The following CFAP97D2 variants were observed in gnomAD, a reference collection of about 807,000 sequenced individuals.
CFAP97D2 encodes the protein CFAP97 domain containing 2.
chr13:114,190,371 C>T (rs2080865084), intron 1 of CFAP97D2, among the ~76,000 whole-genome samples: 1 of 151,708 alleles, frequency 6.6e-6, no homozygotes, highest in African/African-American at 2.4e-5. Context: ...TCTTTGATGG[C>T]AGATGACATG....
chr13:114,220,390 G>A (rs2081016013), intron 4 of CFAP97D2, among the ~76,000 whole-genome samples: 1 of 152,154 alleles, frequency 6.6e-6, no homozygotes, highest in South Asian at 2.1e-4. Flanking sequence ...AGCTTCACCT[G>A]ACGGAGGCTG....
chr13:114,192,656 T>A (rs2080873880), intron 1 of CFAP97D2, among the ~76,000 whole-genome samples: 1 of 152,050 alleles, frequency 6.6e-6, no homozygotes, highest in Non-Finnish European at 1.5e-5. Flanking sequence ...GACAAATACT[T>A]CACCAAAAAA....
intron 4 of CFAP97D2, among the ~76,000 whole-genome samples, chr13:114,219,110 A>G (rs2081008512): frequency 6.6e-6 from 1 of 152,204 alleles, no homozygotes. Flanking sequence ...ATGGGAGAAA[A>G]TTTTTGCAAT....
chr13:114,190,576 A>G (rs2080865902), intron 1 of CFAP97D2, among the ~76,000 whole-genome samples: 1 of 152,240 alleles, frequency 6.6e-6, no homozygotes, highest in African/African-American at 2.4e-5. Context: ...TTAGGTATAA[A>G]TTGAACAAAA....
rs563662089 is a variant in CFAP97D2 at position 114,203,384 on chromosome 13, T to C, written c.290+2941T>C. ...AGTACAAAATTTATACTCCAAAAAC[T>C]ACAAACCGTCATCCACAAAAATTGA... On this transcript the variant is annotated intron_variant, in intron 3 of 4. Transcript: ENST00000646158. This position sits in a 1 kb window ranked among gnomAD's most constrained non-coding sequence, Gnocchi z 4.3. 2.6e-5 allele frequency among the ~76,000 whole-genome samples: 4 copies of C among 152,290 alleles called. No individual in the cohort carries two copies. The East Asian group carries it at 7.7e-4, about 29-fold the overall frequency.
chr13:114,184,847 GT>G (rs1478174805), intron 1 of CFAP97D2, among the ~76,000 whole-genome samples: 2 of 152,206 alleles, frequency 1.3e-5, no homozygotes, highest in Non-Finnish European at 2.9e-5. Context: ...ATTATTCTTA[GT>G]TGATCTAACA....
chr13:114,182,089 TA>T (rs1308981203), intron 1 of CFAP97D2, among the ~76,000 whole-genome samples: 1 of 151,798 alleles, frequency 6.6e-6, no homozygotes, highest in African/African-American at 2.4e-5. Flanking sequence ...CCTCAGTTTT[TA>T]TTGATTATTA....
chr13:114,182,586 T>C (rs1010562031), intron 1 of CFAP97D2, among the ~76,000 whole-genome samples: 130 of 152,210 alleles, frequency 8.5e-4, no homozygotes, highest in African/African-American at 2.9e-3. Context: ...TACCCCGCTT[T>C]CAAGGGCAGA....
rs1315873543 is a variant in CFAP97D2 at position 114,179,619 on chromosome 13, T to C, written c.90+199T>C. Among the ~76,000 whole-genome samples the C allele has an allele frequency of 1.3e-5, 2 of 152,098 alleles. No homozygotes were observed. The highest frequency in any genetic ancestry group is 2.9e-5 in the Non-Finnish European group (2 of 68,014). On this transcript the variant is annotated intron_variant, in intron 1 of 4. Transcript: ENST00000646158. The surrounding 1 kb of genome is among the most constrained non-coding windows in gnomAD (Gnocchi z 4.8). ...TCTCATTAAATAGTTGACGGCTTTC[T>C]TTCTTTCTTTTTTTTTTTTGAGATG... is the stretch of plus-strand genomic sequence containing the variant.
intron 4 of CFAP97D2, among the ~76,000 whole-genome samples, chr13:114,213,767 C>T (rs145260890): frequency 0.041 from 5,815 of 140,946 alleles, 249 homozygotes; most frequent in African/African-American, 0.087. Context: ...GTGGAAGCTC[C>T]AGGACCACAG....
chr13:114,206,104 C>CT lies in CFAP97D2; in HGVS notation c.290+5678dup, dbSNP rs57411812. Among the ~76,000 whole-genome samples, 603 of 137,996 alleles carry CT rather than the reference C, an allele frequency of 4.4e-3. 3 individuals carry two copies. The highest frequency in any genetic ancestry group is 0.011 in the Middle Eastern group (3 of 270). The allele number at this position is 137,996 out of a possible 152,430, so 90.5% of individuals were successfully genotyped here. A position where few individuals can be genotyped will look rare whatever the true frequency, so the allele number is the denominator to read the frequency against. On this transcript the variant is annotated intron_variant, in intron 3 of 4. Coordinates refer to ENST00000646158, the Ensembl canonical transcript of CFAP97D2. ...AATTACAGTAGCTTTTTTTCTTTTC[C>CT]TTTTTTTTTTTTTTTTTGAGACAAA...
intron 3 of CFAP97D2, among the ~76,000 whole-genome samples, chr13:114,209,706 T>C (rs1363065796): frequency 6.6e-6 from 1 of 152,246 alleles, no homozygotes; most frequent in African/African-American, 2.4e-5. Flanking sequence ...AAAGTCATCA[T>C]TTAAGCACGG....
intron 1 of CFAP97D2, among the ~76,000 whole-genome samples, chr13:114,193,582 T>C (rs1407075008): frequency 6.6e-6 from 1 of 152,160 alleles, no homozygotes; most frequent in African/African-American, 2.4e-5. Context: ...CTTTTTATAG[T>C]GACATTAATC....
intron 1 of CFAP97D2, among the ~76,000 whole-genome samples, chr13:114,182,172 C>CGT (rs1555349198): frequency 0.017 from 2,044 of 123,332 alleles, 156 homozygotes; most frequent in African/African-American, 0.057. Context: ...CAGCAAAAAA[C>CGT]GTGAGCAAAA....
chr13:114,221,460 T>A (rs1466731262), intron 4 of CFAP97D2, among the ~76,000 whole-genome samples: 1 of 152,222 alleles, frequency 6.6e-6, no homozygotes, highest in East Asian at 1.9e-4. Flanking sequence ...GAATAGAGAT[T>A]TCTCCCAACA....
At chr13:114,216,372 T>C (rs550314420) in intron 4 of CFAP97D2, among the ~76,000 whole-genome samples, 1 of 152,334 alleles carries the variant, frequency 6.6e-6, no homozygotes, top group South Asian at 2.1e-4. Context: ...ATATGTGCCA[T>C]GTTGGTGTGC....
At chr13:114,214,161 C>G (rs529597127) in intron 4 of CFAP97D2, 1 of 152,486 alleles carries the variant, frequency 6.6e-6, no homozygotes, top group Non-Finnish European at 1.5e-5. Flanking sequence ...CCTGCAGTTT[C>G]CACAGGTATT....
chr13:114,221,422 A>G (rs1350420122), intron 4 of CFAP97D2, among the ~76,000 whole-genome samples: 1 of 152,250 alleles, frequency 6.6e-6, no homozygotes, highest in African/African-American at 2.4e-5. Context: ...TTTAACAACA[A>G]AACTGACAAA....
intron 4 of CFAP97D2, among the ~76,000 whole-genome samples, chr13:114,216,051 G>A (rs1160474907): frequency 6.6e-6 from 1 of 152,088 alleles, no homozygotes; most frequent in Non-Finnish European, 1.5e-5. Flanking sequence ...CTATATGTTG[G>A]GTCTAAGTAC....
Sources: gnomAD v4.1 joint callset for allele counts (sites outside exome capture counted in the v4.1 genomes callset) on GRCh38, gnomAD v4.1.1 for gene constraint, Gnocchi (gnomAD v3.1) non-coding constraint, MANE v1.5 for transcripts, NCBI Gene and HGNC (gene_info 2026-07-23, HGNC 2026-07-21) for gene names.